Variants in WWOX observed in about 807,000 individuals in gnomAD.
The protein encoded by WWOX is WW domain-containing oxidoreductase.
A neutral mutation model predicts 46.2 loss-of-function variants in WWOX; 69 were observed. The ratio of observed to expected loss-of-function variants is 1.49; its 90% CI spans 1.23 to 1.82. The LOEUF (loss-of-function observed/expected upper bound fraction) is 1.82, where lower values mean the gene tolerates loss of function less well. Ranked by LOEUF, WWOX falls within the 40% of genes most tolerant of loss-of-function variation. The pLI, the probability that WWOX is intolerant of heterozygous loss-of-function variation, is 0.00. For synonymous variants in WWOX, 359 were observed against 202.6 expected, an observed-to-expected ratio of 1.77 and a Z score of -6.56; for missense variants, 919 against 542.6, an observed-to-expected ratio of 1.69 and a Z score of -6.89.
chr16:79,193,507 T>C (rs2051177907), intron 8 of WWOX, among the ~76,000 whole-genome samples: 1 of 152,164 alleles, frequency 6.6e-6, no homozygotes, highest in Non-Finnish European at 1.5e-5. Flanking sequence ...TGCTCCCTTC[T>C]TCAGGGAGAC....
rs1597470767 is a variant in WWOX at position 78,706,992 on chromosome 16, T to C, written c.1056+274240T>C. On this transcript the variant is annotated intron_variant, in intron 8 of 8. Transcript: ENST00000566780. ...CTGCCTTTGGAAGTGAATCAGTCAGTTGCCTAGTAGGCCTAAGGAGACCAT... is the reference window on the plus strand; with the variant it reads ...CTGCCTTTGGAAGTGAATCAGTCAGCTGCCTAGTAGGCCTAAGGAGACCAT... Among the ~76,000 whole-genome samples the C allele has an allele frequency of 2.6e-5, 4 of 152,268 alleles. 1 individual carries two copies. The highest frequency in any genetic ancestry group is 2.6e-4 in the Admixed American group (4 of 15,294).
At chr16:78,864,129 A>G (rs954159424) in intron 8 of WWOX, among the ~76,000 whole-genome samples, 1 of 152,210 alleles carries the variant, frequency 6.6e-6, no homozygotes, top group African/African-American at 2.4e-5. Context: ...AAGCCAAACT[A>G]CCTACCTAAC....
chr16:78,916,848 A>T (rs2045263581), intron 8 of WWOX, among the ~76,000 whole-genome samples: 1 of 152,228 alleles, frequency 6.6e-6, no homozygotes, highest in Non-Finnish European at 1.5e-5. Context: ...CCCTTTCGAT[A>T]GCAAGTAGAA....
intron 8 of WWOX, among the ~76,000 whole-genome samples, chr16:78,926,683 T>A (rs1379832573): frequency 6.6e-6 from 1 of 152,148 alleles, no homozygotes; most frequent in Non-Finnish European, 1.5e-5. Flanking sequence ...TTTGTTCAGG[T>A]GTTGTGGAGA....
intron 8 of WWOX, among the ~76,000 whole-genome samples, chr16:79,000,585 T>C (rs146506014): frequency 6.6e-6 from 1 of 152,208 alleles, no homozygotes; most frequent in Non-Finnish European, 1.5e-5. Context: ...TCAGGCAGCG[T>C]CTAGAAGCCA....
At chr16:78,549,151 A>T (rs1475969066) in intron 8 of WWOX, among the ~76,000 whole-genome samples, 1 of 152,210 alleles carries the variant, frequency 6.6e-6, no homozygotes, top group African/African-American at 2.4e-5. Flanking sequence ...TACATCCGTA[A>T]TTGGGAGAGA....
intron 8 of WWOX, among the ~76,000 whole-genome samples, chr16:78,843,896 G>A (rs1272379972): frequency 2.0e-5 from 3 of 152,102 alleles, no homozygotes; most frequent in South Asian, 2.1e-4. Context: ...CCTTGGTAGC[G>A]TTTCAGCTGT....
At chr16:78,505,729 G>A (rs1257522275) in intron 8 of WWOX, among the ~76,000 whole-genome samples, 1 of 152,108 alleles carries the variant, frequency 6.6e-6, no homozygotes, top group Non-Finnish European at 1.5e-5. Context: ...GGAGCATGCA[G>A]GCTTAAGGCT....
At chr16:78,492,425 C>T (rs2084806819) in intron 8 of WWOX, among the ~76,000 whole-genome samples, 1 of 152,166 alleles carries the variant, frequency 6.6e-6, no homozygotes, top group Admixed American at 6.5e-5. Context: ...ATAAAACTGA[C>T]CTCCCAGTGT....
intron 5 of WWOX, among the ~76,000 whole-genome samples, chr16:78,278,073 T>C (rs955041588): frequency 2.6e-5 from 4 of 152,206 alleles, no homozygotes; most frequent in African/African-American, 9.6e-5. Flanking sequence ...ATGCATCCTC[T>C]GATGATGTTT....
intron 8 of WWOX, among the ~76,000 whole-genome samples, chr16:78,584,780 A>G (rs191237732): frequency 6.6e-6 from 1 of 152,228 alleles, no homozygotes; most frequent in Non-Finnish European, 1.5e-5. Flanking sequence ...GAAATTTTCC[A>G]TTCATCTGGT....
intron 8 of WWOX, among the ~76,000 whole-genome samples, chr16:79,191,819 T>C (rs1192744578): frequency 6.6e-6 from 1 of 152,144 alleles, no homozygotes; most frequent in East Asian, 1.9e-4. Context: ...TCATAGCGTC[T>C]AGGGGATATA....
At chr16:78,409,684 C>T (rs565373061) in intron 6 of WWOX, among the ~76,000 whole-genome samples, 5 of 152,198 alleles carry the variant, frequency 3.3e-5, no homozygotes, top group African/African-American at 9.7e-5. Flanking sequence ...AAAGATTTGT[C>T]ATGGTTCTCA....
At chr16:78,991,657 C>G (rs560503941) in intron 8 of WWOX, among the ~76,000 whole-genome samples, 19 of 148,278 alleles carry the variant, frequency 1.3e-4, no homozygotes, top group African/African-American at 4.2e-4. Context: ...CCTTGGGTAA[C>G]TTGTTTTCAC....
At chr16:78,162,238 G>A (rs2034817402) in intron 4 of WWOX, among the ~76,000 whole-genome samples, 1 of 152,168 alleles carries the variant, frequency 6.6e-6, no homozygotes, top group African/African-American at 2.4e-5. Flanking sequence ...ATTCTAAGAT[G>A]AAAGTTTTAT....
At chr16:78,647,208 C>T (rs777406086) in intron 8 of WWOX, among the ~76,000 whole-genome samples, 1 of 152,154 alleles carries the variant, frequency 6.6e-6, no homozygotes, top group African/African-American at 2.4e-5. Context: ...TCACTTGCTA[C>T]TGTGAGATCT....
intron 8 of WWOX, among the ~76,000 whole-genome samples, chr16:78,805,576 C>G (rs963107666): frequency 1.3e-5 from 2 of 152,168 alleles, no homozygotes; most frequent in Non-Finnish European, 2.9e-5. Flanking sequence ...AGCTGACGCT[C>G]CCGGCCTACA....
chr16:78,411,772 A>G (rs1197962183), intron 6 of WWOX, among the ~76,000 whole-genome samples: 3 of 152,208 alleles, frequency 2.0e-5, no homozygotes, highest in Non-Finnish European at 2.9e-5. Context: ...CCTAAAAGGA[A>G]CAGAGCTAGA....
At chr16:78,589,666 T>G (rs2045305119) in intron 8 of WWOX, among the ~76,000 whole-genome samples, 1 of 152,202 alleles carries the variant, frequency 6.6e-6, no homozygotes, top group Non-Finnish European at 1.5e-5. Flanking sequence ...AATTGGGTGA[T>G]AAAATACCTG....
Sources: gnomAD v4.1 joint callset for allele counts (sites outside exome capture counted in the v4.1 genomes callset) on GRCh38, gnomAD v4.1.1 for gene constraint, MANE v1.5 for transcripts, NCBI Gene and HGNC (gene_info 2026-07-23, HGNC 2026-07-21) for gene names.